Variants in GIGYF2 observed in about 807,000 individuals in gnomAD.
The protein encoded by GIGYF2 is GRB10-interacting GYF protein 2.
In GIGYF2, 25 loss-of-function variants were observed where a neutral mutation model predicts 208.1. The ratio of observed to expected loss-of-function variants is 0.12; its 90% CI spans 0.09 to 0.17. The LOEUF is 0.17. GIGYF2 is among the 10% of genes least tolerant of loss of function. GIGYF2 has a pLI of 1.00. For synonymous variants in GIGYF2, 534 were observed against 543.8 expected (o/e 0.98, Z 0.25); for missense variants, 1,302 against 1,579.4 (o/e 0.82, Z 2.98).
intron 8 of GIGYF2, chr2:232,764,676 A>G (rs10933409): frequency 0.32 from 48,192 of 152,050 alleles, 8,011 homozygotes; most frequent in South Asian, 0.62. Flanking sequence ...TGGAAGGTTC[A>G]AGGGGGCAGG....
rs1696428548 is a variant in GIGYF2 at position 232,711,831 on chromosome 2, A to G, written c.-44+8342A>G. Among the ~76,000 whole-genome samples, 8 of 149,594 alleles carry G rather than the reference A, an allele frequency of 5.3e-5. No homozygotes were observed. The Admixed American group carries it at 5.4e-4, about 10-fold the overall frequency. ...TTTTTTTTCTTTTTTTGTATTTTTA[A>G]TTTTTATCGCTTTACTTTAACACTG... On this transcript the variant is annotated intron_variant, in intron 2 of 28. Coordinates refer to ENST00000373563, the MANE Select transcript of GIGYF2 (RefSeq NM_001103146.3).
In GIGYF2 at chr2:232,815,682, C is replaced by A; in HGVS notation, c.2153C>A (p.Thr718Lys). ...TGGGATCTTCCTCTGGACACCACGACACCAGGCCCTGCCCTGGAACAGCTT... is the reference window on the plus strand; with the variant it reads ...TGGGATCTTCCTCTGGACACCACGAAACCAGGCCCTGCCCTGGAACAGCTT... ...SVWDLPLDTTTPGPALEQLQQ... is the reference protein window; with the variant it reads ...SVWDLPLDTTKPGPALEQLQQ... Residue 718 changes from threonine (T) to lysine (K), a missense_variant, in exon 19 of 29, where the codon ACA becomes AAA. Thr to Lys is a moderately conservative substitution (Grantham distance 78). This residue lies in a region of GIGYF2 where 701 missense variants were observed against 793.0 expected (regional missense o/e 0.88). Coordinates refer to ENST00000373563, the MANE Select transcript of GIGYF2 (RefSeq NM_001103146.3). 1 of 1,608,542 alleles carries A rather than the reference C, an allele frequency of 6.2e-7. No homozygotes were observed. The highest frequency in any genetic ancestry group is 8.5e-7 in the Non-Finnish European group (1 of 1,174,846).
At chr2:232,845,949 G>C in intron 26 of GIGYF2, 63 bp downstream of exon 26, 1 of 1,148,866 alleles carries the variant, frequency 8.7e-7, no homozygotes, top group East Asian at 2.5e-5. Context: ...AGAGAGGCTG[G>C]CAAATTTGAA....
chr2:232,824,826 C>T (rs1283947926), intron 21 of GIGYF2, among the ~76,000 whole-genome samples: 1 of 152,182 alleles, frequency 6.6e-6, no homozygotes, highest in African/African-American at 2.4e-5. Context: ...GGCTTCAAAG[C>T]TTTAAAGGAC....
chr2:232,815,568 A>G, intron 18 of GIGYF2, 69 bp from the exon 19 acceptor site: 1 of 884,394 alleles, frequency 1.1e-6, no homozygotes, highest in Non-Finnish European at 1.9e-6. Context: ...TTTTTTCATG[A>G]TTCCTACGGA....
At chr2:232,772,537 A>C (rs1448820918) in intron 8 of GIGYF2, among the ~76,000 whole-genome samples, 2 of 152,222 alleles carry the variant, frequency 1.3e-5, no homozygotes, top group Non-Finnish European at 2.9e-5. Context: ...AACAGTTTTC[A>C]TCAGTGGTTA....
intron 21 of GIGYF2, among the ~76,000 whole-genome samples, chr2:232,822,347 A>AT (rs1173715533): frequency 6.6e-6 from 1 of 151,962 alleles, no homozygotes; most frequent in Non-Finnish European, 1.5e-5. Flanking sequence ...TAAAAAACTG[A>AT]TTTTTTTCTT....
intron 14 of GIGYF2, among the ~76,000 whole-genome samples, chr2:232,803,674 C>CTTTTTTTTTTTTTTTTTTTTTTT (rs768507929): frequency 2.0e-5 from 1 of 49,926 alleles, no homozygotes; most frequent in African/African-American, 1.3e-4. Context: ...ATTTCTGCTT[C>CTTTTTTTTTTTTTTTTTTTTTTT]TTTTTTTTTT....
chr2:232,856,987 A>C lies in GIGYF2; in HGVS notation c.*127A>C. 1.8e-5 allele frequency: 14 copies of C among 775,888 alleles called. No individual in the cohort carries two copies. Among genetic ancestry groups the C allele is most frequent in the Non-Finnish European group, 3.3e-5 (14 of 428,032 alleles). The allele number at this position is 775,888 out of a possible 1,614,324, so 48.1% of individuals were successfully genotyped here. A position where few individuals can be genotyped will look rare whatever the true frequency, so the allele number is the denominator to read the frequency against. On this transcript the variant is annotated 3_prime_UTR_variant, in exon 29 of 29. Coordinates refer to ENST00000373563, the MANE Select transcript of GIGYF2 (RefSeq NM_001103146.3). The stretch of plus-strand genomic sequence containing the variant: ...AACAAATCACAGAACCGATCATCTC[A>C]GGCTTTTTCTTCTGGCCCTTTGTGT...
chr2:232,808,568 C>CA lies in GIGYF2; in HGVS notation c.1807-1151dup, dbSNP rs201482471. Among the ~76,000 whole-genome samples, 905 of 152,282 alleles carry CA rather than the reference C, an allele frequency of 5.9e-3. 6 individuals carry two copies. Among genetic ancestry groups the CA allele is most frequent in the Non-Finnish European group, 8.6e-3 (586 of 68,030 alleles). ...TGAACCTAAGGTAGTAGCTATCCTC[C>CA]AGTATCGAAAAGCAAGAAAAACGTC... On this transcript the variant is annotated intron_variant, in intron 15 of 28. Coordinates refer to ENST00000373563, the MANE Select transcript of GIGYF2 (RefSeq NM_001103146.3).
intron 3 of GIGYF2, among the ~76,000 whole-genome samples, chr2:232,746,276 G>A (rs1038370113): frequency 2.0e-5 from 3 of 151,354 alleles, no homozygotes; most frequent in Non-Finnish European, 2.9e-5. Flanking sequence ...TGTTTACTAT[G>A]CATACGCTAT....
chr2:232,819,804 C>CA (rs1701022843), intron 20 of GIGYF2, 23 bp from the exon 21 acceptor site: 2 of 361,196 alleles, frequency 5.5e-6, no homozygotes, highest in Non-Finnish European at 1.1e-5. Context: ...CCCCACCCCC[C>CA]ACCCTCCATC....
intron 3 of GIGYF2, chr2:232,735,557 C>A: frequency 3.0e-6 from 1 of 330,242 alleles, no homozygotes; most frequent in Non-Finnish European, 4.8e-6. Flanking sequence ...ATAATTATAA[C>A]ATTTTTATGT....
intron 1 of GIGYF2, among the ~76,000 whole-genome samples, chr2:232,701,684 A>T (rs1368110009): frequency 6.6e-6 from 1 of 151,910 alleles, no homozygotes. Flanking sequence ...TCAGCTTCCC[A>T]AAGTGTTGAG....
intron 8 of GIGYF2, 174 bp downstream of exon 8, chr2:232,761,610 A>G: frequency 1.8e-6 from 1 of 554,756 alleles, no homozygotes; most frequent in Admixed American, 3.1e-5. Flanking sequence ...GATTTACTTG[A>G]CTTGGTCTGT....
intron 6 of GIGYF2, 75 bp downstream of exon 6, chr2:232,756,409 A>G: frequency 1.4e-6 from 1 of 715,760 alleles, no homozygotes; most frequent in Non-Finnish European, 2.3e-6. Flanking sequence ...AAATATTTTA[A>G]TGCCTGATTT....
intron 7 of GIGYF2, 185 bp downstream of exon 7, chr2:232,760,776 T>G: frequency 3.6e-6 from 2 of 551,428 alleles, no homozygotes; most frequent in Non-Finnish European, 6.5e-6. Context: ...GAAGACGGAT[T>G]CTAGATAGAT....
chr2:232,787,847 T>G (rs1284393918), intron 9 of GIGYF2, among the ~76,000 whole-genome samples: 1 of 152,234 alleles, frequency 6.6e-6, no homozygotes, highest in Non-Finnish European at 1.5e-5. Flanking sequence ...CCTTCTAACT[T>G]TAGAAGAAGG....
chr2:232,857,066 G>T lies in GIGYF2; in HGVS notation c.*206G>T. Reference sequence around the variant, plus strand: ...TGAACATCTCAGACTATAGATAAGTGGACTGGACCCTGTGTCTTGGGGGTG... The same window carrying T: ...TGAACATCTCAGACTATAGATAAGTTGACTGGACCCTGTGTCTTGGGGGTG... On this transcript the variant is annotated 3_prime_UTR_variant, in exon 29 of 29. Transcript: ENST00000373563. 1 of 606,778 alleles carries T rather than the reference G, an allele frequency of 1.6e-6. No homozygotes were observed. The highest frequency in any genetic ancestry group is 3.0e-6 in the Non-Finnish European group (1 of 337,126). 37.6% of individuals were successfully genotyped at this position (606,778 alleles called of 1,614,324 possible).
Sources: gnomAD v4.1 joint callset for allele counts (sites outside exome capture counted in the v4.1 genomes callset) on GRCh38, gnomAD v4.1.1 for gene constraint, gnomAD v4.1.1 regional missense constraint, MANE v1.5 for transcripts, NCBI Gene and HGNC (gene_info 2026-07-23, HGNC 2026-07-21) for gene names.